Variants in GOLT1A observed in about 807,000 individuals in gnomAD.
The protein encoded by GOLT1A is vesicle transport protein GOT1A.
A neutral mutation model predicts 16.1 loss-of-function variants in GOLT1A; 10 were observed. The observed-to-expected ratio is 0.62, with a 90% CI of 0.38 to 1.05. GOLT1A has a LOEUF of 1.05. Ranked by LOEUF, GOLT1A falls within the 50% of genes least tolerant of loss-of-function variation. The pLI is 0.01. For synonymous variants in GOLT1A, 60 were observed against 67.9 expected (o/e 0.88, Z 0.57); for missense variants, 137 against 165.7 (o/e 0.83, Z 0.95).
At chr1:204,203,157 T>C (rs182740833) in intron 1 of GOLT1A, among the ~76,000 whole-genome samples, 170 bp from the exon 2 acceptor site, 1 of 152,198 alleles carries the variant, frequency 6.6e-6, no homozygotes, top group East Asian at 1.9e-4. Flanking sequence ...AAGGGGAAGG[T>C]AGGATGGCAT....
intron 3 of GOLT1A, among the ~76,000 whole-genome samples, chr1:204,200,861 C>T (rs1658945741): frequency 6.6e-6 from 1 of 152,126 alleles, no homozygotes; most frequent in Non-Finnish European, 1.5e-5. Flanking sequence ...CAATCCCACC[C>T]CTATTCTCTC....
intron 1 of GOLT1A, among the ~76,000 whole-genome samples, chr1:204,207,645 G>A (rs1012570905): frequency 6.6e-6 from 1 of 152,184 alleles, no homozygotes; most frequent in African/African-American, 2.4e-5. Context: ...AGTCCTTCTG[G>A]CCTCAGGCAC....
intron 1 of GOLT1A, among the ~76,000 whole-genome samples, 190 bp downstream of exon 1, chr1:204,213,692 C>T (rs1659172755): frequency 6.6e-6 from 1 of 152,226 alleles, no homozygotes; most frequent in Non-Finnish European, 1.5e-5. Context: ...CCCTGAGCAA[C>T]TCCCACCCGC....
chr1:204,208,502 A>ATATATATATATAT (rs1491494433), intron 1 of GOLT1A, among the ~76,000 whole-genome samples: 7 of 62,070 alleles, frequency 1.1e-4, no homozygotes, highest in African/African-American at 4.2e-4. Context: ...ATATATATAT[A>ATATATATATATAT]AAAAATGAAC....
intron 2 of GOLT1A, among the ~76,000 whole-genome samples, chr1:204,202,400 C>A (rs1294190304): frequency 2.6e-5 from 4 of 151,896 alleles, no homozygotes; most frequent in Non-Finnish European, 5.9e-5. Context: ...CTGTTCCAAT[C>A]CCCCTGGAAG....
At chr1:204,204,919 A>G (rs1489209537) in intron 1 of GOLT1A, among the ~76,000 whole-genome samples, 1 of 152,234 alleles carries the variant, frequency 6.6e-6, no homozygotes, top group Non-Finnish European at 1.5e-5. Context: ...CTAATGATTA[A>G]TGATTAATGA....
In GOLT1A at chr1:204,200,479, A is replaced by G. The variant is rs539465056; in HGVS notation, c.296+1154T>C. ...GCTGGGATTACAGGCACTTGCCACC[A>G]AGCCTGGCTAATTTTTTTTTGTATT... On this transcript the variant is annotated intron_variant, in intron 3 of 4. Transcript: ENST00000308302. Among the ~76,000 whole-genome samples the G allele has an allele frequency of 2.1e-4, 31 of 150,682 alleles. No individual in the cohort carries two copies. In the East Asian group the frequency reaches 5.7e-3, roughly 28 times the overall value.
rs559819814 is a variant in GOLT1A at position 204,200,155 on chromosome 1, C to T, written c.297-897G>A. Among the ~76,000 whole-genome samples, 32 of 151,918 alleles carry T rather than the reference C, an allele frequency of 2.1e-4. No homozygotes were observed. In the South Asian group the frequency reaches 3.3e-3, roughly 16 times the overall value. On this transcript the variant is annotated intron_variant, in intron 3 of 4. Coordinates refer to ENST00000308302, the MANE Select transcript of GOLT1A (RefSeq NM_198447.2). ...TTGTCAGAATTTATTTATGGGTCTT[C>T]CCTACTAAATTGTAAATTCCTTAGG...
chr1:204,208,482 A>ATGTGTG (rs1553234673), intron 1 of GOLT1A, among the ~76,000 whole-genome samples: 25 of 79,554 alleles, frequency 3.1e-4, no homozygotes, highest in African/African-American at 1.1e-3. Context: ...GTGTGTATAT[A>ATGTGTG]TATATATATA....
rs1406585545 is a variant in GOLT1A, at chr1:204,213,924, G to A, written c.-18C>T. 1.2e-6 allele frequency: 2 copies of A among 1,612,444 alleles called. No homozygotes were observed. The highest frequency in any genetic ancestry group is 1.7e-6 in the Non-Finnish European group (2 of 1,179,566). ...GAGATCATGCCGCACTCAGCCTGGG[G>A]GGCTTTCCGGGTGGAAGCGGGCAAG... is the stretch of plus-strand genomic sequence containing the variant. On this transcript the variant is annotated 5_prime_UTR_variant, in exon 1 of 5. Coordinates refer to ENST00000308302, the MANE Select transcript of GOLT1A (RefSeq NM_198447.2).
At chr1:204,206,423 T>C (rs1047502499) in intron 1 of GOLT1A, among the ~76,000 whole-genome samples, 2 of 152,256 alleles carry the variant, frequency 1.3e-5, no homozygotes, top group Non-Finnish European at 2.9e-5. Flanking sequence ...GGTTGTGTTT[T>C]GTCAACATTT....
At chr1:204,208,419 C>A (rs370299831) in intron 1 of GOLT1A, among the ~76,000 whole-genome samples, 2 of 74,392 alleles carry the variant, frequency 2.7e-5, no homozygotes, top group Non-Finnish European at 6.6e-5. Context: ...TATATGTATA[C>A]ATATGTGTAT....
intron 3 of GOLT1A, among the ~76,000 whole-genome samples, chr1:204,200,299 G>GTGTGTGTGTGTGTATATATA: frequency 1.2e-5 from 1 of 82,684 alleles, no homozygotes; most frequent in African/African-American, 5.5e-5. Context: ...ACATATATGT[G>GTGTGTGTGTGTGTATATATA]TATATATATA....
intron 1 of GOLT1A, among the ~76,000 whole-genome samples, chr1:204,203,239 C>A (rs939183299): frequency 2.0e-5 from 3 of 152,274 alleles, no homozygotes; most frequent in South Asian, 4.2e-4. Context: ...TCACTGCAGC[C>A]CTGTGTGGAA....
intron 1 of GOLT1A, among the ~76,000 whole-genome samples, chr1:204,208,474 G>A (rs868444034): frequency 0.041 from 1,151 of 28,280 alleles, 19 homozygotes; most frequent in African/African-American, 0.047. Flanking sequence ...GTGTGTGTGT[G>A]TGTATATATA....
chr1:204,200,425 G>A (rs537735764), intron 3 of GOLT1A, among the ~76,000 whole-genome samples: 1 of 150,522 alleles, frequency 6.6e-6, no homozygotes, highest in South Asian at 2.1e-4. Context: ...CTGCGTTTAA[G>A]CAATTCTTGT....
rs749873945 is a variant in GOLT1A at position 204,201,700 on chromosome 1, T to C, written c.229A>G (p.Ile77Val). 3.7e-6 allele frequency: 6 copies of C among 1,613,994 alleles called. No individual in the cohort carries two copies. The highest frequency in any genetic ancestry group is 1.1e-5 in the South Asian group (1 of 91,088). The change falls in exon 3 of 5, where the codon ATC (isoleucine) becomes GTC (valine). Residue 77 changes from isoleucine to valine, a missense_variant. Coordinates refer to ENST00000308302, the MANE Select transcript of GOLT1A (RefSeq NM_198447.2). ...GTSFLLGGVV[I>V]VLLRWPLLGM... ...AGGAGGGGCCAGCGTAGGAGCACGA[T>C]AACCACACCCCCCAGGAGGAAGCTG...
intron 1 of GOLT1A, among the ~76,000 whole-genome samples, chr1:204,211,792 T>C (rs1659140658): frequency 6.6e-6 from 1 of 152,098 alleles, no homozygotes; most frequent in African/African-American, 2.4e-5. Flanking sequence ...CATCTGGCAA[T>C]GTTTGAAGAC....
At position 204,200,601 on chromosome 1, in the gene GOLT1A, T is replaced by C. The variant is rs544086235; in HGVS notation, c.296+1032A>G. Among the ~76,000 whole-genome samples, 4 of 152,086 alleles carry C rather than the reference T, an allele frequency of 2.6e-5. No individual in the cohort carries two copies. In the East Asian group the frequency reaches 5.8e-4, roughly 22 times the overall value. On this transcript the variant is annotated intron_variant, in intron 3 of 4. Coordinates refer to ENST00000308302, the MANE Select transcript of GOLT1A (RefSeq NM_198447.2). ...CCTCGGCCTCCCAAAGTGCTGGGAT[T>C]ATAGGTGTGAGCCACTGCACCCAGC...
Sources: allele counts gnomAD v4.1 joint callset (sites outside exome capture counted in the v4.1 genomes callset), GRCh38; gene constraint gnomAD v4.1.1; transcripts MANE v1.5; gene names NCBI Gene and HGNC (gene_info 2026-07-23, HGNC 2026-07-21).